Variants in PSD observed in about 807,000 individuals in gnomAD.
PSD encodes the protein pleckstrin and Sec7 domain containing.
Under a neutral mutation model 91.6 loss-of-function variants are expected in PSD, and 32 were observed. That is an observed-to-expected ratio of 0.35 (90% confidence interval 0.26 to 0.47). The LOEUF (loss-of-function observed/expected upper bound fraction) is 0.47. Among genes scored for constraint, PSD ranks in the 20% least tolerant of loss-of-function variants. The pLI is 1.00. For missense variants in PSD, 1,099 were observed against 1,373.9 expected, an observed-to-expected ratio of 0.80 and a Z score of 3.16; for synonymous variants, 532 against 569.3, an observed-to-expected ratio of 0.93 and a Z score of 0.93.
rs1387038573 is a variant in PSD, at chr10:102,413,978, G to A, written c.1344C>T (p.Pro448=). The change falls in exon 5 of 17, where the codon CCC becomes CCT. Residue 448 remains proline (P), a synonymous_variant. Transcript: ENST00000020673. ...PFFTFELPPQ[P]PAPRPDPPAP... is the part of the protein sequence containing the mutation. Reference sequence around the variant, plus strand: ...CTGGTGGGTCGGGCCGGGGTGCAGGGGGTTGGGGAGGCAGCTCAAAGGTGA... The same window carrying A: ...CTGGTGGGTCGGGCCGGGGTGCAGGAGGTTGGGGAGGCAGCTCAAAGGTGA... The A allele has an allele frequency of 3.1e-6, 5 of 1,613,852 alleles. No individual in the cohort carries two copies.
Position 102,402,706 on chromosome 10 carries a change from C to T in PSD, c.*494G>A, listed in dbSNP as rs1442494456. On this transcript the variant is annotated 3_prime_UTR_variant, in exon 17 of 17. Transcript: ENST00000020673. ...GGGGAAAGCCAGGCCGTGCTGCCCCCGGCCCAGGTATGGGGCCTTGGCATG... is the reference window on the plus strand; with the variant it reads ...GGGGAAAGCCAGGCCGTGCTGCCCCTGGCCCAGGTATGGGGCCTTGGCATG... 6 of 304,796 alleles carry T rather than the reference C, an allele frequency of 2.0e-5. No homozygotes were observed. The highest frequency in any genetic ancestry group is 1.1e-4 in the South Asian group (1 of 9,052). 18.9% of individuals were successfully genotyped at this position (304,796 alleles called of 1,614,324 possible). A position where few individuals can be genotyped will look rare whatever the true frequency, so the allele number is the denominator to read the frequency against.
Position 102,417,205 on chromosome 10 carries a change from C to T in PSD, c.-83-84G>A. 5.1e-6 allele frequency: 3 copies of T among 584,364 alleles called. No homozygotes were observed. In the South Asian group the frequency reaches 6.1e-5, roughly 12 times the overall value. 36.2% of individuals were successfully genotyped at this position (584,364 alleles called of 1,614,324 possible). ...GCAGAGATAGGGAAGGGAAAGTTGGCTAGGGCCTCTGAGTATCAGGGACCT... is the reference window on the plus strand; with the variant it reads ...GCAGAGATAGGGAAGGGAAAGTTGGTTAGGGCCTCTGAGTATCAGGGACCT... On this transcript the variant is annotated intron_variant, in intron 1 of 16. Coordinates refer to ENST00000020673, the MANE Select transcript of PSD (RefSeq NM_002779.5).
chr10:102,415,900 T>C (rs2061473454), intron 3 of PSD, 117 bp downstream of exon 3: 2 of 712,882 alleles, frequency 2.8e-6, no homozygotes, highest in Non-Finnish European at 4.6e-6. Context: ...AGACATTGGC[T>C]GACTCAAGAG....
chr10:102,412,258 CT>C, intron 6 of PSD, 31 bp from the exon 7 acceptor site: 1 of 1,613,334 alleles, frequency 6.2e-7, no homozygotes, highest in Non-Finnish European at 8.5e-7. Flanking sequence ...CAGGTAGGGT[CT>C]CAAGGGGAAG....
chr10:102,415,436 GC>G (rs2061468110), intron 3 of PSD, among the ~76,000 whole-genome samples: 1 of 152,234 alleles, frequency 6.6e-6, no homozygotes, highest in Non-Finnish European at 1.5e-5. Flanking sequence ...GCTTTGAGGA[GC>G]TGGGGGAAGA....
At chr10:102,411,890 G>A (rs1307880360) in intron 7 of PSD, 71 bp from the exon 8 acceptor site, 1 of 1,166,850 alleles carries the variant, frequency 8.6e-7, no homozygotes, top group Non-Finnish European at 1.3e-6. Flanking sequence ...GGTGACAGGA[G>A]GCTTTGAGAG....
In PSD at chr10:102,416,774, T is replaced by G. The variant is rs2135461661; in HGVS notation, c.265A>C (p.Thr89Pro). ...APSPWAPSSPTGQPPPGAQSS... is the reference protein window; with the variant it reads ...APSPWAPSSPPGQPPPGAQSS... ...TGGGCCCCGGGTGGGGGCTGCCCAGTGGGTGAAGAGGGTGCCCAGGGTGAG... is the reference window on the plus strand; with the variant it reads ...TGGGCCCCGGGTGGGGGCTGCCCAGGGGGTGAAGAGGGTGCCCAGGGTGAG... The change falls in exon 2 of 17, where the codon ACT (threonine) becomes CCT (proline). Residue 89 changes from threonine (T) to proline (P), a missense_variant. Physicochemically the swap from Thr to Pro is conservative, Grantham distance 38 (BLOSUM62 -1). This residue lies in a region of PSD where 631 missense variants were observed against 728.8 expected (regional missense o/e 0.87). Transcript: ENST00000020673. The surrounding 1 kb of genome is among the most constrained non-coding windows in gnomAD (Gnocchi z 6.0). 6.3e-7 allele frequency: 1 copy of G among 1,593,400 alleles called. No homozygotes were observed. The highest frequency in any genetic ancestry group is 2.2e-5 in the East Asian group (1 of 44,662).
chr10:102,402,773 T>C lies in PSD; in HGVS notation c.*427A>G, dbSNP rs1184192982. On this transcript the variant is annotated 3_prime_UTR_variant, in exon 17 of 17. Transcript: ENST00000020673. Reference sequence around the variant, plus strand: ...CTCCAGCAAGAGAAAGAGTAAGCCCTTGGGGAGGAAGGAGGGGAAACCAGC... The same window carrying C: ...CTCCAGCAAGAGAAAGAGTAAGCCCCTGGGGAGGAAGGAGGGGAAACCAGC... 4.0e-6 allele frequency: 1 copy of C among 249,696 alleles called. No individual in the cohort carries two copies. 15.5% of individuals were successfully genotyped at this position (249,696 alleles called of 1,614,324 possible).
chr10:102,411,915 T>C (rs1292457280), intron 7 of PSD, 96 bp from the exon 8 acceptor site: 1 of 985,162 alleles, frequency 1.0e-6, no homozygotes, highest in Admixed American at 1.9e-5. Context: ...GCAGCTGGGG[T>C]GGGAAGGGGA....
Position 102,404,120 on chromosome 10 carries a change from G to T in PSD, c.2701-135C>A. On this transcript the variant is annotated intron_variant, in intron 15 of 16. Transcript: ENST00000020673. The surrounding 1 kb of genome is among the most constrained non-coding windows in gnomAD (Gnocchi z 5.7). ...TCCCAGCACTTTGGGAGGCCAAGGC[G>T]GGCGGATCACGAGGTCAGGAGATCG... 3 of 1,090,054 alleles carry T rather than the reference G, an allele frequency of 2.8e-6. No homozygotes were observed. Among genetic ancestry groups the T allele is most frequent in the Non-Finnish European group, 3.8e-6 (3 of 797,446 alleles). The allele number at this position is 1,090,054 out of a possible 1,614,324, so 67.5% of individuals were successfully genotyped here. A position where few individuals can be genotyped will look rare whatever the true frequency, so the allele number is the denominator to read the frequency against.
intron 7 of PSD, 49 bp from the exon 8 acceptor site, chr10:102,411,868 C>G: frequency 7.2e-7 from 1 of 1,392,100 alleles, no homozygotes; most frequent in Non-Finnish European, 1.0e-6. Flanking sequence ...AGTTTCCAGC[C>G]TCTGTCTCTG....
intron 6 of PSD, 36 bp downstream of exon 6, chr10:102,412,345 C>T (rs1300349554): frequency 1.9e-6 from 3 of 1,611,684 alleles, no homozygotes; most frequent in African/African-American, 1.3e-5. Flanking sequence ...TGCATTCCCT[C>T]TGCCCCCATC....
rs1285709892 is a variant in PSD at position 102,411,132 on chromosome 10, C to T, written c.1943-16G>A. ...TGGGCGCCGTCTAGGGGAGAGCTGA[C>T]TTTCAGCCTTGGCTGCCTCCCAGGG... On this transcript the variant is annotated splice_polypyrimidine_tract_variant and intron_variant, in intron 8 of 16. Transcript: ENST00000020673. 15 of 1,594,550 alleles carry T rather than the reference C, an allele frequency of 9.4e-6. No individual in the cohort carries two copies. Among genetic ancestry groups the T allele is most frequent in the South Asian group, 2.2e-5 (2 of 89,890 alleles).
chr10:102,402,691 A>C lies in PSD; in HGVS notation c.*509T>G, dbSNP rs1473502184. On this transcript the variant is annotated 3_prime_UTR_variant, in exon 17 of 17. Coordinates refer to ENST00000020673, the MANE Select transcript of PSD (RefSeq NM_002779.5). ...AGGCCCACTGAAGCGGGGGAAAGCC[A>C]GGCCGTGCTGCCCCCGGCCCAGGTA... The C allele has an allele frequency of 6.3e-6, 2 of 317,860 alleles. No homozygotes were observed. Among genetic ancestry groups the C allele is most frequent in the African/African-American group, 4.3e-5 (2 of 46,872 alleles). The allele number at this position is 317,860 out of a possible 1,614,324, so 19.7% of individuals were successfully genotyped here.
chr10:102,413,731 G>A (rs1156846075), intron 5 of PSD, 38 bp downstream of exon 5: 2 of 1,562,504 alleles, frequency 1.3e-6, no homozygotes, highest in East Asian at 2.3e-5. Flanking sequence ...CTGGAGCCCT[G>A]GGGGCCTCAA....
Position 102,416,322 on chromosome 10 carries a change from T to C in PSD, c.654+63A>G, listed in dbSNP as rs758180293. The C allele has an allele frequency of 2.7e-4, 417 of 1,528,476 alleles. No homozygotes were observed. Among genetic ancestry groups the C allele is most frequent in the Non-Finnish European group, 3.5e-4 (389 of 1,127,266 alleles). The allele number at this position is 1,528,476 out of a possible 1,614,324, so 94.7% of individuals were successfully genotyped here. A position where few individuals can be genotyped will look rare whatever the true frequency, so the allele number is the denominator to read the frequency against. On this transcript the variant is annotated intron_variant, in intron 2 of 16. Transcript: ENST00000020673. This position sits in a 1 kb window ranked among gnomAD's most constrained non-coding sequence, Gnocchi z 6.0. ...AGTGAACAGCAGACAAGCCCATGTC[T>C]GACAGGAGGCTGAGCCTTGCCCCTT...
In PSD at chr10:102,416,873, G is replaced by T; in HGVS notation, c.166C>A (p.Arg56=). 6.2e-7 allele frequency: 1 copy of T among 1,600,800 alleles called. No individual in the cohort carries two copies. Among genetic ancestry groups the T allele is most frequent in the South Asian group, 1.1e-5 (1 of 89,568 alleles). ...GTCACACGTCCCAGTTCCCGGCCTC[G>T]AGGACCTGGACCTGCCACTCGCCGT... The part of the protein sequence containing the change: ...LLRRVAGPGP[R]GRELGRVTAP... Residue 56 remains arginine, a synonymous_variant, in exon 2 of 17, where the codon CGA becomes AGA. Coordinates refer to ENST00000020673, the MANE Select transcript of PSD (RefSeq NM_002779.5). This position sits in a 1 kb window ranked among gnomAD's most constrained non-coding sequence, Gnocchi z 6.0.
Position 102,404,334 on chromosome 10 carries a change from C to CGA in PSD, c.2700+247_2700+248dup, listed in dbSNP as rs2061333809. Among the ~76,000 whole-genome samples, 1 of 140,432 alleles carries CGA rather than the reference C, an allele frequency of 7.1e-6. No homozygotes were observed. The highest frequency in any genetic ancestry group is 2.7e-5 in the African/African-American group (1 of 37,418). 92.1% of individuals were successfully genotyped at this position (140,432 alleles called of 152,430 possible). ...CGGCACTCCCACCTGGGCAACAGAGCGAGACTCCATCTCAAAAAAAAAAAA... is the reference window on the plus strand; with the variant it reads ...CGGCACTCCCACCTGGGCAACAGAGCGAGAGACTCCATCTCAAAAAAAAAAAA... On this transcript the variant is annotated intron_variant, in intron 15 of 16. Coordinates refer to ENST00000020673, the MANE Select transcript of PSD (RefSeq NM_002779.5). The surrounding 1 kb of genome is among the most constrained non-coding windows in gnomAD (Gnocchi z 5.7).
rs548565617 is a variant in PSD at position 102,409,099 on chromosome 10, C to T, written c.2091+1759G>A. The T allele has an allele frequency of 1.0e-6, 1 of 983,176 alleles. No homozygotes were observed. The highest frequency in any genetic ancestry group is 1.8e-5 in the African/African-American group (1 of 56,978). The allele number at this position is 983,176 out of a possible 1,614,324, so 60.9% of individuals were successfully genotyped here. A position where few individuals can be genotyped will look rare whatever the true frequency, so the allele number is the denominator to read the frequency against. On this transcript the variant is annotated intron_variant, in intron 10 of 16. Transcript: ENST00000020673. The surrounding 1 kb of genome is among the most constrained non-coding windows in gnomAD (Gnocchi z 5.7). ...TGCTGTTGACGCCGATCATGCTGGC[C>T]CGGCCGGCGCGCCGCGGCCCCCGGC...
Sources: allele counts gnomAD v4.1 joint callset (sites outside exome capture counted in the v4.1 genomes callset), GRCh38; gene constraint gnomAD v4.1.1; regional missense constraint gnomAD v4.1.1; non-coding constraint Gnocchi (gnomAD v3.1); transcripts MANE v1.5; gene names NCBI Gene and HGNC (gene_info 2026-07-23, HGNC 2026-07-21).